CCDC60: variants seen among roughly 807,000 people sequenced by gnomAD.
The protein encoded by CCDC60 is coiled-coil domain containing 60.
Under a neutral mutation model 63.5 loss-of-function variants are expected in CCDC60, and 54 were observed. The ratio of observed to expected loss-of-function variants is 0.85; its 90% CI spans 0.68 to 1.07. CCDC60 has a LOEUF of 1.07. CCDC60 is among the 50% of genes least tolerant of loss of function. CCDC60 has a pLI of 0.00. For synonymous variants in CCDC60, 206 were observed against 238.8 expected (o/e 0.86, Z 1.27); for missense variants, 651 against 684.3 (o/e 0.95, Z 0.54).
chr12:119,518,951 G>T (rs1021729360), intron 8 of CCDC60, among the ~76,000 whole-genome samples: 1 of 152,124 alleles, frequency 6.6e-6, no homozygotes, highest in Non-Finnish European at 1.5e-5. Flanking sequence ...AATAACCATG[G>T]TTACAGAGCA....
At chr12:119,503,606 G>A (rs1951912482) in intron 6 of CCDC60, among the ~76,000 whole-genome samples, 2 of 152,168 alleles carry the variant, frequency 1.3e-5, no homozygotes, top group Admixed American at 6.5e-5. Flanking sequence ...GGCACAGGGA[G>A]AGATCATATG....
chr12:119,419,945 C>T (rs931706438), intron 1 of CCDC60, among the ~76,000 whole-genome samples: 21 of 145,824 alleles, frequency 1.4e-4, no homozygotes, highest in South Asian at 6.6e-4. Context: ...GGCACGATCT[C>T]GGCTCACTGC....
intron 10 of CCDC60, 61 bp from the exon 11 acceptor site, chr12:119,523,632 C>T: frequency 6.2e-7 from 1 of 1,603,222 alleles, no homozygotes; most frequent in East Asian, 2.2e-5. Context: ...GAGTGGGACC[C>T]AGGTTACTAG....
At chr12:119,492,540 C>G (rs868480917) in intron 5 of CCDC60, among the ~76,000 whole-genome samples, 2 of 152,220 alleles carry the variant, frequency 1.3e-5, no homozygotes, top group Admixed American at 6.5e-5. Flanking sequence ...CACTTAATCC[C>G]TATTTATGAC....
chr12:119,524,721 CTTT>C (rs55694840), intron 11 of CCDC60, among the ~76,000 whole-genome samples: 2 of 99,048 alleles, frequency 2.0e-5, no homozygotes, highest in Admixed American at 1.1e-4. Flanking sequence ...CTTTTCTTTT[CTTT>C]TTTTTTTTTT....
intron 1 of CCDC60, among the ~76,000 whole-genome samples, chr12:119,386,972 C>T (rs140658298): frequency 7.7e-4 from 116 of 150,774 alleles, no homozygotes; most frequent in South Asian, 3.6e-3. Context: ...AGTACTCCAT[C>T]CTCCTCCCCT....
rs201363748 is a variant in CCDC60 at position 119,530,890 on chromosome 12, T to G, written c.1378T>G (p.Ser460Ala). Residue 460 changes from serine to alanine, a missense_variant, in exon 13 of 14, where the codon TCC becomes GCC. Physicochemically the swap from Ser to Ala is moderately conservative, Grantham distance 99. Transcript: ENST00000327554. ...IADHWYFDLL[S>A]KLPEDLKNFR... ...GAATTGAAGGTACTTTGATCTGTTG[T>G]CCAAACTGCCAGAGGATCTAAAGAA... is the stretch of plus-strand genomic sequence containing the variant. The G allele has an allele frequency of 1.1e-3, 1,804 of 1,613,852 alleles. 29 individuals are homozygous for G. In the South Asian group the frequency reaches 0.019, roughly 17 times the overall value.
At chr12:119,389,187 C>G (rs1186033178) in intron 1 of CCDC60, among the ~76,000 whole-genome samples, 1 of 152,166 alleles carries the variant, frequency 6.6e-6, no homozygotes, top group African/African-American at 2.4e-5. Flanking sequence ...CAAATGATAA[C>G]ACATAAGTAC....
At chr12:119,383,575 A>G (rs564108400) in intron 1 of CCDC60, among the ~76,000 whole-genome samples, 1 of 152,354 alleles carries the variant, frequency 6.6e-6, no homozygotes, top group South Asian at 2.1e-4. Flanking sequence ...GAGCAGAAGG[A>G]GCCAGGATAG....
chr12:119,411,830 G>T (rs766739317), intron 1 of CCDC60, among the ~76,000 whole-genome samples: 2 of 151,944 alleles, frequency 1.3e-5, no homozygotes, highest in Non-Finnish European at 2.9e-5. Context: ...TCTGAGCCCC[G>T]ATACACCCTT....
rs902309950 is a variant in CCDC60 at position 119,357,943 on chromosome 12, T to A, written c.90+22677T>A. Among the ~76,000 whole-genome samples, 9 of 152,246 alleles carry A rather than the reference T, an allele frequency of 5.9e-5. No homozygotes were observed. The South Asian group carries it at 1.2e-3, about 21-fold the overall frequency. ...GCTTCTGGGGAGACCTCAGGAAACTTACAATCATGGCTAAAGGTGAAGAGG... is the reference window on the plus strand; with the variant it reads ...GCTTCTGGGGAGACCTCAGGAAACTAACAATCATGGCTAAAGGTGAAGAGG... On this transcript the variant is annotated intron_variant, in intron 1 of 13. Coordinates refer to ENST00000327554, the MANE Select transcript of CCDC60 (RefSeq NM_178499.5).
At chr12:119,344,820 C>G (rs1039061887) in intron 1 of CCDC60, among the ~76,000 whole-genome samples, 4 of 141,206 alleles carry the variant, frequency 2.8e-5, no homozygotes, top group African/African-American at 1.1e-4. Flanking sequence ...AGAACATTCT[C>G]TCTCTCTCTC....
At chr12:119,428,922 G>C (rs751326993) in intron 2 of CCDC60, 160 bp downstream of exon 2, 161 of 521,974 alleles carry the variant, frequency 3.1e-4, no homozygotes, top group Non-Finnish European at 7.2e-5. Flanking sequence ...GCAGAGGGCA[G>C]GATCGCTTTC....
intron 2 of CCDC60, among the ~76,000 whole-genome samples, chr12:119,454,232 C>A (rs780005899): frequency 1.1e-4 from 16 of 152,194 alleles, no homozygotes; most frequent in Admixed American, 4.6e-4. Context: ...CTCTTACTAA[C>A]CCTATGGTCA....
chr12:119,522,616 C>T (rs964624143), intron 9 of CCDC60, among the ~76,000 whole-genome samples: 6 of 152,126 alleles, frequency 3.9e-5, no homozygotes, highest in African/African-American at 1.4e-4. Context: ...CCAGAAAAGA[C>T]GTAATCCCGA....
chr12:119,365,052 T>A (rs997712178), intron 1 of CCDC60, among the ~76,000 whole-genome samples: 1 of 152,224 alleles, frequency 6.6e-6, no homozygotes, highest in Non-Finnish European at 1.5e-5. Context: ...CTTAAAAATA[T>A]TGTTCCATTT....
intron 2 of CCDC60, among the ~76,000 whole-genome samples, chr12:119,459,869 C>T (rs1415408591): frequency 1.3e-5 from 2 of 152,172 alleles, no homozygotes; most frequent in East Asian, 3.8e-4. Flanking sequence ...TTCAGGGAGG[C>T]TGATTTGACT....
At chr12:119,405,148 C>T (rs1377412015) in intron 1 of CCDC60, among the ~76,000 whole-genome samples, 1 of 152,228 alleles carries the variant, frequency 6.6e-6, no homozygotes, top group South Asian at 2.1e-4. Context: ...TCTCCTGTCT[C>T]CGTGCACACC....
intron 2 of CCDC60, among the ~76,000 whole-genome samples, chr12:119,439,425 G>A (rs1006103898): frequency 6.6e-6 from 1 of 152,166 alleles, no homozygotes; most frequent in Admixed American, 6.5e-5. Context: ...CAGTGGGAGA[G>A]TCCAGATCAG....
Sources: allele counts gnomAD v4.1 joint callset (sites outside exome capture counted in the v4.1 genomes callset), GRCh38; gene constraint gnomAD v4.1.1; transcripts MANE v1.5; gene names NCBI Gene and HGNC (gene_info 2026-07-23, HGNC 2026-07-21).